The following RPL31 variants were observed in gnomAD, a reference collection of about 807,000 sequenced individuals.
RPL31 encodes large ribosomal subunit protein eL31.
For synonymous variants in RPL31, 51 were observed against 55.0 expected (o/e 0.93, Z 0.32); for missense variants, 95 against 164.0 (o/e 0.58, Z 2.30).
exon 5 of RPL31, chr2:101,019,095 G>T: frequency 1.3e-6 from 2 of 1,577,940 alleles, no homozygotes; most frequent in Middle Eastern, 1.7e-4. Context: ...ATTGCTTCCT[G>T]AGCTGCAGCA....
downstream of RPL31, among the ~76,000 whole-genome samples, chr2:101,008,913 TAA>T (rs2105355406): frequency 6.6e-6 from 1 of 152,264 alleles, no homozygotes; most frequent in Non-Finnish European, 1.5e-5. Context: ...TGAAACGCTA[TAA>T]AGTTAGGGCA....
At chr2:101,012,056 A>G (rs919874967), downstream of RPL31, among the ~76,000 whole-genome samples, 11 of 152,250 alleles carry the variant, frequency 7.2e-5, no homozygotes, top group African/African-American at 2.7e-4. Flanking sequence ...TCTTAGTATT[A>G]GGAGTGTTCT....
chr2:101,017,874 A>C (rs910831911), intron 4 of RPL31: 1 of 1,550,842 alleles, frequency 6.4e-7, no homozygotes, highest in African/African-American at 1.4e-5. Flanking sequence ...CAAAACGATG[A>C]TCTCTTCAAA....
downstream of RPL31, chr2:101,007,506 T>TATGA (rs1376313865): frequency 3.2e-6 from 1 of 317,386 alleles, no homozygotes; most frequent in African/African-American, 2.1e-5. Context: ...TCTTGGTTAG[T>TATGA]ATGAGACATT....
chr2:101,019,186 C>A, exon 5 of RPL31: 4 of 1,087,402 alleles, frequency 3.7e-6, no homozygotes, highest in East Asian at 2.6e-5. Context: ...TCTACACGGC[C>A]GGGGTTTCAA....
intron 4 of RPL31, among the ~76,000 whole-genome samples, chr2:101,014,514 C>T (rs1679468931): frequency 6.6e-6 from 1 of 152,184 alleles, no homozygotes. Context: ...TTGTCTCCTC[C>T]AGCTAAATCT....
At chr2:101,018,140 T>C (rs1167712027) in intron 4 of RPL31, 4 of 516,838 alleles carry the variant, frequency 7.7e-6, no homozygotes, top group African/African-American at 3.8e-5. Context: ...AACAAAGCTT[T>C]CCCTCATTCA....
At chr2:101,008,140 C>G, downstream of RPL31, 1 of 1,613,838 alleles carries the variant, frequency 6.2e-7, no homozygotes. Flanking sequence ...TCCAGAGCTG[C>G]TGCCTCGCTG....
At chr2:101,006,108 T>G (rs1678722949) in intron 4 of RPL31, 37 bp downstream of exon 4, 4 of 1,601,562 alleles carry the variant, frequency 2.5e-6, no homozygotes, top group Non-Finnish European at 3.4e-6. Context: ...TTAAATTCAT[T>G]AGAAAAATGT....
intron 4 of RPL31, chr2:101,017,881 C>T (rs1195850881): frequency 6.4e-7 from 1 of 1,550,776 alleles, no homozygotes; most frequent in Non-Finnish European, 8.7e-7. Context: ...ATGATCTCTT[C>T]AAAACAGATT....
intron 1 of RPL31, 33 bp downstream of exon 1, chr2:101,002,348 A>C (rs1573832048): frequency 4.4e-6 from 1 of 224,814 alleles, no homozygotes; most frequent in Non-Finnish European, 8.8e-6. Flanking sequence ...GGGCTCCTGG[A>C]ATCCAGCCCC....
intron 4 of RPL31, among the ~76,000 whole-genome samples, chr2:101,015,590 CTTT>C (rs1180865395): frequency 1.3e-5 from 2 of 152,134 alleles, no homozygotes; most frequent in Non-Finnish European, 2.9e-5. Context: ...TCAAAAAAAT[CTTT>C]TTAACTTTTC....
chr2:101,006,944 G>C lies in RPL31; in HGVS notation c.*563G>C, dbSNP rs1445751870. 1 of 152,220 alleles carries C rather than the reference G, an allele frequency of 6.6e-6. No homozygotes were observed. Among genetic ancestry groups the C allele is most frequent in the Non-Finnish European group, 1.5e-5 (1 of 68,084 alleles). The allele number at this position is 152,220 out of a possible 1,614,324, so 9.4% of individuals were successfully genotyped here. A position where few individuals can be genotyped will look rare whatever the true frequency, so the allele number is the denominator to read the frequency against. Reference sequence around the variant, plus strand: ...TGGAGTCAAGGTTCAGAAGTAAAAAGTTCCTTAAGGTATCAATAACAAAAA... The same window carrying C: ...TGGAGTCAAGGTTCAGAAGTAAAAACTTCCTTAAGGTATCAATAACAAAAA... On this transcript the variant is annotated 3_prime_UTR_variant, in exon 5 of 5. Coordinates refer to ENST00000264258, the MANE Select transcript of RPL31 (RefSeq NM_000993.5).
downstream of RPL31, chr2:101,011,522 C>T (rs759335576): frequency 2.2e-5 from 36 of 1,613,764 alleles, no homozygotes; most frequent in Admixed American, 2.3e-4. Context: ...CTGGCTGTCT[C>T]GGTCATTTTC....
At chr2:101,018,189 A>G (rs752884894) in intron 4 of RPL31, 2 of 355,782 alleles carry the variant, frequency 5.6e-6, no homozygotes, top group Non-Finnish European at 1.0e-5. Context: ...TATGTTTTAG[A>G]ATTCAAATTA....
At chr2:101,002,463 C>T in intron 1 of RPL31, 148 bp downstream of exon 1, 1 of 567,618 alleles carries the variant, frequency 1.8e-6, no homozygotes, top group South Asian at 2.1e-5. Context: ...TTAAAGGCTC[C>T]CAGAGCCTGA....
chr2:101,008,402 A>G, downstream of RPL31: 1 of 753,840 alleles, frequency 1.3e-6, no homozygotes, highest in Non-Finnish European at 2.0e-6. Flanking sequence ...AAGAAAAGGT[A>G]GTCTCTGCCT....
At chr2:101,010,337 C>T (rs1679110524), downstream of RPL31, among the ~76,000 whole-genome samples, 1 of 152,186 alleles carries the variant, frequency 6.6e-6, no homozygotes, top group Admixed American at 6.5e-5. Context: ...GCTGTATCCA[C>T]AGTGGCCCCA....
chr2:101,009,420 A>G (rs1350686393), downstream of RPL31, among the ~76,000 whole-genome samples: 7 of 152,066 alleles, frequency 4.6e-5, no homozygotes, highest in South Asian at 8.3e-4. Flanking sequence ...AAAAAAAAAA[A>G]AAAGAAAAAT....
Sources: allele counts gnomAD v4.1 joint callset (sites outside exome capture counted in the v4.1 genomes callset), GRCh38; gene constraint gnomAD v4.1.1; transcripts MANE v1.5; gene names NCBI Gene and HGNC (gene_info 2026-07-23, HGNC 2026-07-21).